The following CHD6 variants were observed in gnomAD, a reference collection of about 807,000 sequenced individuals.
CHD6 encodes the protein ATP-dependent chromatin remodeler CHD6.
CHD6 carries 50 observed loss-of-function variants against 276.9 expected under a neutral mutation model. That is an observed-to-expected ratio of 0.18 (90% CI 0.14 to 0.23). The LOEUF (loss-of-function observed/expected upper bound fraction) is 0.23, where lower values mean the gene tolerates loss of function less well. CHD6 is among the 10% of genes least tolerant of loss of function. The pLI, the probability that CHD6 is intolerant of heterozygous loss-of-function variation, is 1.00. For missense variants in CHD6, 2,564 were observed against 3,365.8 expected (o/e 0.76, Z 5.89); for synonymous variants, 1,173 against 1,229.3 (o/e 0.95, Z 0.96).
chr20:41,444,484 G>A (rs566199565), intron 25 of CHD6, among the ~76,000 whole-genome samples: 3 of 152,222 alleles, frequency 2.0e-5, no homozygotes, highest in South Asian at 4.1e-4. Context: ...TAACCCCGGC[G>A]GTTTGACAAA....
intron 25 of CHD6, among the ~76,000 whole-genome samples, chr20:41,441,987 C>A (rs2047916562): frequency 1.3e-5 from 2 of 152,198 alleles, no homozygotes; most frequent in Admixed American, 6.5e-5. Flanking sequence ...CTGTCAAGAG[C>A]ATAATTTAGA....
chr20:41,422,083 G>A lies in CHD6; in HGVS notation c.4556-4C>T. 2 of 1,597,786 alleles carry A rather than the reference G, an allele frequency of 1.3e-6. No individual in the cohort carries two copies. The highest frequency in any genetic ancestry group is 1.1e-5 in the South Asian group (1 of 88,574). ...TAGATGGTGGTATCTGGGGGACCTG[G>A]AGAGAAAGGGAAATAAAGCCTATCA... On this transcript the variant is annotated splice_polypyrimidine_tract_variant and splice_region_variant and intron_variant, in intron 30 of 36. Transcript: ENST00000373233.
intron 27 of CHD6, among the ~76,000 whole-genome samples, chr20:41,435,872 C>T (rs567621238): frequency 3.3e-5 from 5 of 152,198 alleles, no homozygotes; most frequent in South Asian, 2.1e-4. Context: ...GGTATTGCTA[C>T]GGCACTCAGG....
At chr20:41,431,336 C>T (rs548931601) in intron 27 of CHD6, among the ~76,000 whole-genome samples, 1 of 152,128 alleles carries the variant, frequency 6.6e-6, no homozygotes, top group Admixed American at 6.5e-5. Flanking sequence ...CTGATGGAGG[C>T]CAAAGTAAAT....
intron 1 of CHD6, among the ~76,000 whole-genome samples, chr20:41,586,549 C>T (rs961449146): frequency 1.3e-5 from 2 of 152,182 alleles, no homozygotes; most frequent in African/African-American, 4.8e-5. Flanking sequence ...GGTCAGAGAA[C>T]AAAAGGCTTG....
At chr20:41,551,472 G>T in intron 1 of CHD6, 112 bp from the exon 2 acceptor site, 1 of 585,460 alleles carries the variant, frequency 1.7e-6, no homozygotes, top group Non-Finnish European at 3.0e-6. Flanking sequence ...GATTACTTCT[G>T]CAGAACATTT....
intron 2 of CHD6, among the ~76,000 whole-genome samples, chr20:41,546,185 A>C (rs192863334): frequency 1.9e-3 from 294 of 152,276 alleles, no homozygotes; most frequent in African/African-American, 6.6e-3. Flanking sequence ...AATTATACCC[A>C]TATTCACTCC....
At chr20:41,544,338 T>C (rs901701048) in intron 2 of CHD6, among the ~76,000 whole-genome samples, 6 of 152,320 alleles carry the variant, frequency 3.9e-5, no homozygotes, top group Admixed American at 2.0e-4. Context: ...TCCTTCATCA[T>C]CACTTTGAAG....
chr20:41,523,530 T>C (rs1020118496), intron 3 of CHD6, among the ~76,000 whole-genome samples: 1 of 152,232 alleles, frequency 6.6e-6, no homozygotes, highest in African/African-American at 2.4e-5. Context: ...GTAGGACAAC[T>C]ATTAGTTATA....
At chr20:41,470,395 G>A (rs1039881415) in intron 17 of CHD6, among the ~76,000 whole-genome samples, 30 of 151,100 alleles carry the variant, frequency 2.0e-4, no homozygotes, top group Non-Finnish European at 3.4e-4. Flanking sequence ...TTGTACACAT[G>A]TTCTCTCTCA....
At chr20:41,506,429 CTCTG>C (rs1317001078) in intron 5 of CHD6, among the ~76,000 whole-genome samples, 2 of 152,080 alleles carry the variant, frequency 1.3e-5, no homozygotes, top group Admixed American at 6.6e-5. Context: ...AGACTATTCC[CTCTG>C]TCTAAGATGT....
intron 16 of CHD6, among the ~76,000 whole-genome samples, chr20:41,480,362 T>C (rs1263838499): frequency 1.3e-5 from 2 of 152,176 alleles, no homozygotes; most frequent in African/African-American, 4.8e-5. Flanking sequence ...AGGGTAAAGT[T>C]TGCTGCTGAA....
At chr20:41,468,524 T>C (rs945418436) in intron 17 of CHD6, among the ~76,000 whole-genome samples, 2 of 152,246 alleles carry the variant, frequency 1.3e-5, no homozygotes, top group African/African-American at 4.8e-5. Flanking sequence ...GAAATAAAAC[T>C]GTCAGTCTAG....
intron 18 of CHD6, among the ~76,000 whole-genome samples, chr20:41,456,864 AT>A (rs1206375402): frequency 2.6e-5 from 4 of 152,230 alleles, no homozygotes; most frequent in Admixed American, 2.0e-4. Context: ...TGTTTTTAAT[AT>A]GCCGAGCACT....
intron 1 of CHD6, among the ~76,000 whole-genome samples, chr20:41,561,808 G>T (rs1312225262): frequency 6.6e-6 from 1 of 152,020 alleles, no homozygotes; most frequent in Non-Finnish European, 1.5e-5. Flanking sequence ...CACTTATTTT[G>T]AAGAATCTGA....
chr20:41,598,025 C>T (rs181360684), intron 1 of CHD6, among the ~76,000 whole-genome samples: 10 of 152,144 alleles, frequency 6.6e-5, no homozygotes, highest in South Asian at 2.1e-4. Context: ...CTATGGACTA[C>T]GAAAAATCAG....
chr20:41,522,071 T>C (rs2044412713), intron 3 of CHD6, among the ~76,000 whole-genome samples: 1 of 152,208 alleles, frequency 6.6e-6, no homozygotes, highest in Non-Finnish European at 1.5e-5. Flanking sequence ...CTGGGTGCAG[T>C]GGCTCACGCC....
intron 34 of CHD6, 111 bp from the exon 35 acceptor site, chr20:41,413,626 A>G: frequency 1.1e-6 from 1 of 935,902 alleles, no homozygotes; most frequent in Non-Finnish European, 1.6e-6. Context: ...TTCCACCCTG[A>G]TATTACTCAG....
chr20:41,429,103 C>T (rs1010967703), intron 27 of CHD6, among the ~76,000 whole-genome samples: 1 of 152,182 alleles, frequency 6.6e-6, no homozygotes, highest in African/African-American at 2.4e-5. Context: ...TGAGATGTCA[C>T]AGCCACCTAC....
Sources: allele counts gnomAD v4.1 joint callset (sites outside exome capture counted in the v4.1 genomes callset), GRCh38; gene constraint gnomAD v4.1.1; transcripts MANE v1.5; gene names NCBI Gene and HGNC (gene_info 2026-07-23, HGNC 2026-07-21).